Variants in PEX3 observed in about 807,000 individuals in gnomAD.
The protein encoded by PEX3 is peroxin-3.
A neutral mutation model predicts 55.8 loss-of-function variants in PEX3; 30 were observed. The ratio of observed to expected loss-of-function variants is 0.54; its 90% confidence interval spans 0.40 to 0.73. The LOEUF (loss-of-function observed/expected upper bound fraction) is 0.73, where lower values mean the gene tolerates loss of function less well. PEX3 is among the 30% of genes least tolerant of loss of function. PEX3 has a pLI of 0.00. For missense variants in PEX3, 351 were observed against 432.8 expected (o/e 0.81, Z 1.68); for synonymous variants, 135 against 148.4 (o/e 0.91, Z 0.66).
chr6:143,485,820 T>C lies in PEX3; in HGVS notation c.1038+572T>C, dbSNP rs1230045215. Among the ~76,000 whole-genome samples, 2 of 152,174 alleles carry C rather than the reference T, an allele frequency of 1.3e-5. No homozygotes were observed. Among genetic ancestry groups the C allele is most frequent in the African/African-American group, 4.8e-5 (2 of 41,452 alleles). Reference sequence around the variant, plus strand: ...ATTCATTGAGTAATTCAGTAATTCATTGAGTAAGACAAATATTATAAACAA... The same window carrying C: ...ATTCATTGAGTAATTCAGTAATTCACTGAGTAAGACAAATATTATAAACAA... On this transcript the variant is annotated intron_variant, in intron 11 of 11. Transcript: ENST00000367591. The surrounding 1 kb of genome is among the most constrained non-coding windows in gnomAD (Gnocchi z 5.6).
rs1459415993 is a variant in PEX3 at position 143,454,060 on chromosome 6, A to C, written c.73+2945A>C. Among the ~76,000 whole-genome samples, 2 of 152,232 alleles carry C rather than the reference A, an allele frequency of 1.3e-5. No homozygotes were observed. The highest frequency in any genetic ancestry group is 2.9e-5 in the Non-Finnish European group (2 of 68,044). On this transcript the variant is annotated intron_variant, in intron 1 of 11. Coordinates refer to ENST00000367591, the MANE Select transcript of PEX3 (RefSeq NM_003630.3). This position sits in a 1 kb window ranked among gnomAD's most constrained non-coding sequence, Gnocchi z 4.3. ...AAATATTAATTCATTTTAAAATAATAAACCTATTACATATTAACATACATA... is the reference window on the plus strand; with the variant it reads ...AAATATTAATTCATTTTAAAATAATCAACCTATTACATATTAACATACATA...
At chr6:143,481,123 G>C (rs918036529) in intron 10 of PEX3, among the ~76,000 whole-genome samples, 3 of 142,144 alleles carry the variant, frequency 2.1e-5, no homozygotes, top group Non-Finnish European at 1.5e-5. Flanking sequence ...ACTGAAAAAT[G>C]AGGTAAACTA....
chr6:143,473,600 T>C (rs1237879225), intron 8 of PEX3, among the ~76,000 whole-genome samples: 2 of 152,088 alleles, frequency 1.3e-5, no homozygotes, highest in African/African-American at 4.8e-5. Flanking sequence ...ATAAAATCTC[T>C]TACTGATAAA....
At chr6:143,480,606 T>C (rs1346555833) in intron 10 of PEX3, among the ~76,000 whole-genome samples, 1 of 152,202 alleles carries the variant, frequency 6.6e-6, no homozygotes, top group Non-Finnish European at 1.5e-5. Context: ...TCTATATAAG[T>C]TTTTCTGTTT....
rs1275814973 is a variant in PEX3, at chr6:143,462,263, G to T, written c.206-653G>T. On this transcript the variant is annotated intron_variant, in intron 2 of 11. Transcript: ENST00000367591. The surrounding 1 kb of genome is among the most constrained non-coding windows in gnomAD (Gnocchi z 4.1). The stretch of plus-strand genomic sequence containing the variant: ...TAAAACTAAAACTCAGCAACTTTTA[G>T]TTTCTAACCCAGTGCACTTTTATTT... Among the ~76,000 whole-genome samples the T allele has an allele frequency of 6.6e-6, 1 of 152,070 alleles. No individual in the cohort carries two copies. Among genetic ancestry groups the T allele is most frequent in the African/African-American group, 2.4e-5 (1 of 41,404 alleles).
rs2128745923 is a variant in PEX3, at chr6:143,463,749, T to A, written c.287+752T>A. ...TTCAAATAGCCAGGGGAAAAGTAGTTCTATTTCTAAACTGTCTCACTGTGC... is the reference window on the plus strand; with the variant it reads ...TTCAAATAGCCAGGGGAAAAGTAGTACTATTTCTAAACTGTCTCACTGTGC... On this transcript the variant is annotated intron_variant, in intron 3 of 11. Transcript: ENST00000367591. The surrounding 1 kb of genome is among the most constrained non-coding windows in gnomAD (Gnocchi z 5.7). Among the ~76,000 whole-genome samples, 1 of 152,254 alleles carries A rather than the reference T, an allele frequency of 6.6e-6. No individual in the cohort carries two copies. Among genetic ancestry groups the A allele is most frequent in the South Asian group, 2.1e-4 (1 of 4,824 alleles).
At chr6:143,455,359 A>ATTTTTTTTT (rs56788350) in intron 1 of PEX3, among the ~76,000 whole-genome samples, 60 of 71,984 alleles carry the variant, frequency 8.3e-4, no homozygotes, top group African/African-American at 1.8e-3. Flanking sequence ...CGCCCGGCTA[A>ATTTTTTTTT]TTTTTTTTTT....
In PEX3 at chr6:143,466,856, G is replaced by GA. The variant is rs1466034063; in HGVS notation, c.288-1262dup. Among the ~76,000 whole-genome samples, 4 of 151,938 alleles carry GA rather than the reference G, an allele frequency of 2.6e-5. No homozygotes were observed. Among genetic ancestry groups the GA allele is most frequent in the Non-Finnish European group, 4.4e-5 (3 of 67,902 alleles). On this transcript the variant is annotated intron_variant, in intron 3 of 11. Transcript: ENST00000367591. This position sits in a 1 kb window ranked among gnomAD's most constrained non-coding sequence, Gnocchi z 5.4. ...TAAGTCGTCATCTATGAAGAAGGGA[G>GA]AAAATGAAGGGGGTTAGGAACAGAC...
In PEX3 at chr6:143,458,234, A is replaced by G. The variant is rs1452543011; in HGVS notation, c.74-851A>G. ...CAGATATAGACTAAAATGTACACAT[A>G]TATATCATACTGCCTATGCTGAAAT... On this transcript the variant is annotated intron_variant, in intron 1 of 11. Transcript: ENST00000367591. The surrounding 1 kb of genome is among the most constrained non-coding windows in gnomAD (Gnocchi z 6.1). Among the ~76,000 whole-genome samples the G allele has an allele frequency of 1.3e-5, 2 of 152,196 alleles. No homozygotes were observed. Among genetic ancestry groups the G allele is most frequent in the South Asian group, 2.1e-4 (1 of 4,830 alleles).
chr6:143,461,880 C>G (rs762182719), intron 2 of PEX3, among the ~76,000 whole-genome samples: 102 of 152,250 alleles, frequency 6.7e-4, no homozygotes, highest in South Asian at 1.2e-3. Context: ...CCCAGGAGGT[C>G]AAGGCTGCAG....
chr6:143,468,010 G>T, intron 3 of PEX3, 112 bp from the exon 4 acceptor site: 3 of 641,158 alleles, frequency 4.7e-6, no homozygotes, highest in South Asian at 4.2e-5. Flanking sequence ...CTGCAGTTAT[G>T]CTGTGTTGCT....
rs1195545315 is a variant in PEX3 at position 143,463,121 on chromosome 6, A to G, written c.287+124A>G. 1 of 715,408 alleles carries G rather than the reference A, an allele frequency of 1.4e-6. No homozygotes were observed. Among genetic ancestry groups the G allele is most frequent in the Non-Finnish European group, 2.5e-6 (1 of 400,376 alleles). 44.3% of individuals were successfully genotyped at this position (715,408 alleles called of 1,614,324 possible). ...AATGAAAGTTTATATAGGCTCAGTA[A>G]GAAAAATACTAACTATATCATTTAA... On this transcript the variant is annotated intron_variant, in intron 3 of 11. Coordinates refer to ENST00000367591, the MANE Select transcript of PEX3 (RefSeq NM_003630.3). This position sits in a 1 kb window ranked among gnomAD's most constrained non-coding sequence, Gnocchi z 5.7.
chr6:143,478,287 G>A lies in PEX3; in HGVS notation c.819-789G>A, dbSNP rs536061212. Among the ~76,000 whole-genome samples, 18 of 152,246 alleles carry A rather than the reference G, an allele frequency of 1.2e-4. No homozygotes were observed. In the South Asian group the frequency reaches 2.1e-3, roughly 18 times the overall value. ...TGAGAATTGGCTGGAAATGGGCCTA[G>A]TGGGTGATGAAAATGTTCTAAAATT... On this transcript the variant is annotated intron_variant, in intron 9 of 11. Coordinates refer to ENST00000367591, the MANE Select transcript of PEX3 (RefSeq NM_003630.3).
rs950409161 is a variant in PEX3 at position 143,475,394 on chromosome 6, G to A, written c.818+538G>A. On this transcript the variant is annotated intron_variant, in intron 9 of 11. Coordinates refer to ENST00000367591, the MANE Select transcript of PEX3 (RefSeq NM_003630.3). The surrounding 1 kb of genome is among the most constrained non-coding windows in gnomAD (Gnocchi z 4.4). ...CAACCTGGTGCAGCAGCTCATGCTT[G>A]TAATCCCAGCACTTTGAGTGGCCGA... 6.6e-6 allele frequency among the ~76,000 whole-genome samples: 1 copy of A among 152,100 alleles called. No individual in the cohort carries two copies. The highest frequency in any genetic ancestry group is 2.4e-5 in the African/African-American group (1 of 41,392).
chr6:143,456,535 A>G (rs916813902), intron 1 of PEX3, among the ~76,000 whole-genome samples: 3 of 152,216 alleles, frequency 2.0e-5, no homozygotes, highest in Non-Finnish European at 2.9e-5. Context: ...TTAGAAGTCT[A>G]AGATCAGGAT....
chr6:143,487,493 T>C lies in PEX3; in HGVS notation c.1039-1650T>C, dbSNP rs554460259. Among the ~76,000 whole-genome samples, 1 of 152,266 alleles carries C rather than the reference T, an allele frequency of 6.6e-6. No individual in the cohort carries two copies. Among genetic ancestry groups the C allele is most frequent in the East Asian group, 1.9e-4 (1 of 5,182 alleles). ...ACAGTCCTCCAGTGTTTAAATCATT[T>C]TTAGTGTATAAATTAAAAACTCAAT... On this transcript the variant is annotated intron_variant, in intron 11 of 11. Coordinates refer to ENST00000367591, the MANE Select transcript of PEX3 (RefSeq NM_003630.3). The surrounding 1 kb of genome is among the most constrained non-coding windows in gnomAD (Gnocchi z 5.3).
At chr6:143,478,913 C>A (rs534544339) in intron 9 of PEX3, among the ~76,000 whole-genome samples, 163 bp from the exon 10 acceptor site, 7 of 152,130 alleles carry the variant, frequency 4.6e-5, no homozygotes, top group Admixed American at 1.3e-4. Context: ...TAAATAAGCT[C>A]ATTTTTAAAT....
rs184566474 is a variant in PEX3, at chr6:143,452,191, T to G, written c.73+1076T>G. ...CAGATTTTGGTGATGCTTGAAAGTT[T>G]GAAACAGAGTTCTTGTTGCTGAGCC... On this transcript the variant is annotated intron_variant, in intron 1 of 11. Coordinates refer to ENST00000367591, the MANE Select transcript of PEX3 (RefSeq NM_003630.3). Among the ~76,000 whole-genome samples the G allele has an allele frequency of 6.6e-5, 10 of 152,354 alleles. No homozygotes were observed. The East Asian group carries it at 1.7e-3, about 26-fold the overall frequency.
rs1779748011 is a variant in PEX3 at position 143,450,858 on chromosome 6, T to C, written c.-185T>C. On this transcript the variant is annotated 5_prime_UTR_variant, in exon 1 of 12. Coordinates refer to ENST00000367591, the MANE Select transcript of PEX3 (RefSeq NM_003630.3). ...GCGGCAGAAAGCGTAGCTGCTTTGC[T>C]GTAGTCCACGCCCCCTTGCCGCTCC... is the stretch of plus-strand genomic sequence containing the variant. 1.2e-5 allele frequency: 9 copies of C among 765,526 alleles called. No individual in the cohort carries two copies. Among genetic ancestry groups the C allele is most frequent in the Non-Finnish European group, 2.1e-5 (9 of 438,344 alleles). 47.4% of individuals were successfully genotyped at this position (765,526 alleles called of 1,614,324 possible). A position where few individuals can be genotyped will look rare whatever the true frequency, so the allele number is the denominator to read the frequency against.
Sources: allele counts gnomAD v4.1 joint callset (sites outside exome capture counted in the v4.1 genomes callset), GRCh38; gene constraint gnomAD v4.1.1; non-coding constraint Gnocchi (gnomAD v3.1); transcripts MANE v1.5; gene names NCBI Gene and HGNC (gene_info 2026-07-23, HGNC 2026-07-21).